Variants in FHIT observed in about 807,000 individuals in gnomAD.
The protein encoded by FHIT is fragile histidine triad diadenosine triphosphatase, also known as bis(5'-adenosyl)-triphosphatase.
In FHIT, 19 loss-of-function variants were observed where a neutral mutation model predicts 17.9. The observed-to-expected ratio is 1.06, with a 90% CI of 0.74 to 1.56. FHIT has a LOEUF of 1.56. Among genes scored for constraint, FHIT ranks in the 40% most tolerant of loss-of-function variants. FHIT has a pLI of 0.00. For missense variants in FHIT, 248 were observed against 189.2 expected, an observed-to-expected ratio of 1.31 and a Z score of -1.82; for synonymous variants, 81 against 69.7, an observed-to-expected ratio of 1.16 and a Z score of -0.81.
chr3:61,189,480 A>C (rs1459243782), intron 2 of FHIT, among the ~76,000 whole-genome samples: 1 of 152,240 alleles, frequency 6.6e-6, no homozygotes, highest in Admixed American at 6.5e-5. Flanking sequence ...GGTAGGAAGA[A>C]TCAATATGGT....
At chr3:61,157,079 T>C (rs866095821) in intron 2 of FHIT, among the ~76,000 whole-genome samples, 13 of 152,274 alleles carry the variant, frequency 8.5e-5, no homozygotes, top group Middle Eastern at 6.8e-3. Context: ...AACATAAATT[T>C]TGCTAAGCAT....
intron 3 of FHIT, among the ~76,000 whole-genome samples, chr3:60,998,453 G>T (rs1200477904): frequency 1.3e-5 from 2 of 152,114 alleles, no homozygotes; most frequent in African/African-American, 4.8e-5. Context: ...TTTTCTTAGA[G>T]ATTGTCATCA....
At chr3:60,445,481 G>GA (rs35514185) in intron 5 of FHIT, among the ~76,000 whole-genome samples, 35 of 147,406 alleles carry the variant, frequency 2.4e-4, no homozygotes, top group African/African-American at 4.2e-4. Context: ...AGAAGAAGAA[G>GA]AAAAAAAAAA....
rs2041874217 is a variant in FHIT at position 60,724,510 on chromosome 3, C to CCTAAG, written c.-18+97408_-18+97409insCTTAG. On this transcript the variant is annotated intron_variant, in intron 4 of 9. Transcript: ENST00000492590. ...GAATAGCTACCTAAGTGTGGAATTT[C>CCTAAG]TGGGTCATACATATGTTTAACTTTT... Among the ~76,000 whole-genome samples, 5 of 152,252 alleles carry CCTAAG rather than the reference C, an allele frequency of 3.3e-5. No homozygotes were observed. In the South Asian group the frequency reaches 1.0e-3, roughly 32 times the overall value.
chr3:60,455,854 A>T (rs2032056700), intron 5 of FHIT, among the ~76,000 whole-genome samples: 1 of 152,162 alleles, frequency 6.6e-6, no homozygotes, highest in African/African-American at 2.4e-5. Flanking sequence ...CTTTCAGAGA[A>T]ATTCATCAAG....
intron 5 of FHIT, among the ~76,000 whole-genome samples, chr3:60,242,800 C>T (rs965221599): frequency 4.6e-5 from 7 of 152,030 alleles, no homozygotes; most frequent in African/African-American, 1.4e-4. Flanking sequence ...GCACTGCTTT[C>T]AGTCCTTCTT....
chr3:60,379,742 T>G (rs6780483), intron 5 of FHIT, among the ~76,000 whole-genome samples: 98,939 of 151,924 alleles, frequency 0.65, 32,221 homozygotes, highest in East Asian at 0.69. Flanking sequence ...GATCCATTTT[T>G]GAAAAAAGGA....
intron 7 of FHIT, among the ~76,000 whole-genome samples, chr3:59,973,571 C>T (rs928201723): frequency 1.3e-5 from 2 of 152,102 alleles, no homozygotes; most frequent in Non-Finnish European, 2.9e-5. Flanking sequence ...AGATATCCTA[C>T]CACAAACATG....
At chr3:60,093,171 T>C (rs960887124) in intron 5 of FHIT, among the ~76,000 whole-genome samples, 1 of 152,150 alleles carries the variant, frequency 6.6e-6, no homozygotes, top group Non-Finnish European at 1.5e-5. Context: ...GGTCTCCAGG[T>C]GTGGGCAGAG....
chr3:60,615,889 A>G (rs1424768070), intron 4 of FHIT, among the ~76,000 whole-genome samples: 2 of 152,338 alleles, frequency 1.3e-5, no homozygotes, highest in East Asian at 1.9e-4. Flanking sequence ...AAGTTTACCA[A>G]TAAGAATAGA....
At chr3:59,758,326 G>A (rs1392207200) in intron 8 of FHIT, among the ~76,000 whole-genome samples, 1 of 152,162 alleles carries the variant, frequency 6.6e-6, no homozygotes, top group East Asian at 1.9e-4. Flanking sequence ...ATCCTGACCT[G>A]GCTTCTAGGC....
chr3:61,208,931 G>T (rs997730065), intron 1 of FHIT, among the ~76,000 whole-genome samples: 1 of 152,060 alleles, frequency 6.6e-6, no homozygotes, highest in East Asian at 1.9e-4. Context: ...TTAAAATTTG[G>T]CATGTTTTTG....
chr3:61,012,390 T>C (rs1162177662), intron 3 of FHIT, among the ~76,000 whole-genome samples: 1 of 152,106 alleles, frequency 6.6e-6, no homozygotes, highest in Non-Finnish European at 1.5e-5. Context: ...TGTCAGAGGA[T>C]GAATCATAAA....
At chr3:61,210,581 C>T (rs2039429819) in intron 1 of FHIT, among the ~76,000 whole-genome samples, 1 of 152,222 alleles carries the variant, frequency 6.6e-6, no homozygotes, top group South Asian at 2.1e-4. Context: ...GAGTGAGGCT[C>T]CGTGGGCGTA....
intron 5 of FHIT, among the ~76,000 whole-genome samples, chr3:60,303,619 T>C (rs181580582): frequency 2.9e-4 from 44 of 152,236 alleles, no homozygotes; most frequent in Non-Finnish European, 4.0e-4. Context: ...TCACAGCCCA[T>C]ATGTGATTTT....
At chr3:60,541,855 T>C (rs2036197086) in intron 4 of FHIT, among the ~76,000 whole-genome samples, 2 of 152,224 alleles carry the variant, frequency 1.3e-5, no homozygotes. Context: ...TTCAGGATAA[T>C]GGAATAGAAT....
At chr3:61,050,343 A>G (rs2033980291) in intron 2 of FHIT, among the ~76,000 whole-genome samples, 1 of 152,188 alleles carries the variant, frequency 6.6e-6, no homozygotes, top group Admixed American at 6.5e-5. Flanking sequence ...GGAAGGGGAT[A>G]AGAGGACTAA....
chr3:60,951,891 T>A (rs566072309), intron 3 of FHIT, among the ~76,000 whole-genome samples: 1 of 152,094 alleles, frequency 6.6e-6, no homozygotes, highest in Non-Finnish European at 1.5e-5. Flanking sequence ...TTTGGCTGGG[T>A]GCAGTGGCTG....
chr3:61,058,476 G>A (rs547649686), intron 2 of FHIT, among the ~76,000 whole-genome samples: 11 of 152,172 alleles, frequency 7.2e-5, no homozygotes, highest in African/African-American at 9.7e-5. Context: ...CTTCAGTGTT[G>A]GAGGAGGGGC....
Sources: allele counts gnomAD v4.1 joint callset (sites outside exome capture counted in the v4.1 genomes callset), GRCh38; gene constraint gnomAD v4.1.1; transcripts MANE v1.5; gene names NCBI Gene and HGNC (gene_info 2026-07-23, HGNC 2026-07-21).